The following POC1B variants were observed in gnomAD, a reference collection of about 807,000 sequenced individuals.
The protein encoded by POC1B is POC1 centriolar protein homolog B.
A neutral mutation model predicts 60.6 loss-of-function variants in POC1B; 44 were observed. The ratio of observed to expected loss-of-function variants is 0.73; its 90% confidence interval spans 0.57 to 0.93. The LOEUF (loss-of-function observed/expected upper bound fraction) is 0.93, where lower values mean the gene tolerates loss of function less well. Among genes scored for constraint, POC1B ranks in the 40% least tolerant of loss-of-function variants. POC1B has a pLI of 0.00. For synonymous variants in POC1B, 180 were observed against 198.9 expected, an observed-to-expected ratio of 0.90 and a Z score of 0.80; for missense variants, 555 against 572.3, an observed-to-expected ratio of 0.97 and a Z score of 0.31.
At chr12:89,503,003 T>C (rs1305475508) in intron 2 of POC1B, among the ~76,000 whole-genome samples, 1 of 152,210 alleles carries the variant, frequency 6.6e-6, no homozygotes, top group African/African-American at 2.4e-5. Context: ...GTTTGTATAG[T>C]TGGGACATTT....
intron 10 of POC1B, chr12:89,425,885 T>C (rs1425706550): frequency 1.3e-5 from 2 of 153,768 alleles, no homozygotes; most frequent in African/African-American, 4.8e-5. Flanking sequence ...GATCCAGCAA[T>C]TCTACTCCTA....
chr12:89,431,006 C>T (rs1431217293), intron 10 of POC1B, among the ~76,000 whole-genome samples: 3 of 151,964 alleles, frequency 2.0e-5, no homozygotes, highest in Non-Finnish European at 4.4e-5. Flanking sequence ...GCAATGTAAG[C>T]ATATATTATC....
intron 4 of POC1B, among the ~76,000 whole-genome samples, chr12:89,474,833 G>A (rs1042501100): frequency 6.6e-6 from 1 of 152,200 alleles, no homozygotes; most frequent in African/African-American, 2.4e-5. Flanking sequence ...ACGAGGCAGT[G>A]CTGTTAGGAG....
intron 10 of POC1B, among the ~76,000 whole-genome samples, chr12:89,459,407 T>TAAAAA (rs10535587): frequency 2.0e-5 from 2 of 102,444 alleles, no homozygotes; most frequent in Non-Finnish European, 4.2e-5. Flanking sequence ...ACTTAAAGTA[T>TAAAAA]AAAAAAAAAA....
intron 4 of POC1B, among the ~76,000 whole-genome samples, chr12:89,477,818 T>C (rs891788120): frequency 2.6e-5 from 4 of 152,214 alleles, no homozygotes; most frequent in African/African-American, 9.7e-5. Flanking sequence ...CATAGCTCTC[T>C]AGGACCTATC....
intron 2 of POC1B, chr12:89,502,472 G>C: frequency 8.6e-7 from 1 of 1,167,186 alleles, no homozygotes; most frequent in South Asian, 1.3e-5. Flanking sequence ...GAAAATATTG[G>C]AAAAGTTGAC....
intron 10 of POC1B, among the ~76,000 whole-genome samples, chr12:89,435,894 T>A (rs947293049): frequency 6.6e-6 from 1 of 152,066 alleles, no homozygotes; most frequent in Non-Finnish European, 1.5e-5. Flanking sequence ...CATATGCATG[T>A]GTGTGTATGA....
chr12:89,485,049 G>A (rs1049231350), intron 4 of POC1B, among the ~76,000 whole-genome samples: 7 of 152,196 alleles, frequency 4.6e-5, no homozygotes, highest in African/African-American at 1.4e-4. Context: ...AATGTTCCAG[G>A]CTCTCTGGCA....
intron 11 of POC1B, among the ~76,000 whole-genome samples, chr12:89,421,559 G>T (rs777740507): frequency 1.3e-5 from 2 of 152,206 alleles, no homozygotes; most frequent in Non-Finnish European, 2.9e-5. Flanking sequence ...AACCAGGGAA[G>T]AGGCCACACA....
chr12:89,469,914 C>T (rs1218931540), intron 7 of POC1B, among the ~76,000 whole-genome samples: 1 of 150,988 alleles, frequency 6.6e-6, no homozygotes, highest in Non-Finnish European at 1.5e-5. Flanking sequence ...TGTTGCCGGG[C>T]TGGAGTGCAG....
chr12:89,525,668 G>T, intron 1 of POC1B: 2 of 1,259,330 alleles, frequency 1.6e-6, no homozygotes, highest in Non-Finnish European at 2.0e-6. Flanking sequence ...GGAACTCGGG[G>T]AAGAGCGTCC....
chr12:89,506,798 G>A (rs566609202), intron 2 of POC1B, among the ~76,000 whole-genome samples: 1 of 152,164 alleles, frequency 6.6e-6, no homozygotes, highest in African/African-American at 2.4e-5. Flanking sequence ...GGAGGTTCCA[G>A]CGGGGCTTCC....
intron 10 of POC1B, among the ~76,000 whole-genome samples, chr12:89,447,201 CTT>C (rs1881825938): frequency 6.6e-6 from 1 of 151,974 alleles, no homozygotes; most frequent in African/African-American, 2.4e-5. Context: ...ATTTGGTAAA[CTT>C]ATCAATATAC....
chr12:89,505,947 G>A (rs1869874300), intron 2 of POC1B, among the ~76,000 whole-genome samples: 1 of 152,152 alleles, frequency 6.6e-6, no homozygotes, highest in Non-Finnish European at 1.5e-5. Context: ...CTAGATGTGA[G>A]GGAGAGAAAA....
At chr12:89,521,330 C>T (rs1263965757) in intron 2 of POC1B, 2 of 152,116 alleles carry the variant, frequency 1.3e-5, no homozygotes, top group Non-Finnish European at 2.9e-5. Context: ...GTCTGGATCT[C>T]CTGACCTCGT....
intron 10 of POC1B, among the ~76,000 whole-genome samples, chr12:89,454,635 CA>C (rs1199240001): frequency 6.6e-6 from 1 of 152,206 alleles, no homozygotes; most frequent in Non-Finnish European, 1.5e-5. Flanking sequence ...GCTCTTTACT[CA>C]AATGCCACCC....
downstream of POC1B, chr12:89,419,635 A>G (rs1880449832): frequency 6.6e-6 from 1 of 152,218 alleles, no homozygotes. Flanking sequence ...GAAGATTCGC[A>G]CACACATTAA....
chr12:89,499,487 C>T (rs1406742781), intron 2 of POC1B, among the ~76,000 whole-genome samples: 1 of 151,624 alleles, frequency 6.6e-6, no homozygotes, highest in African/African-American at 2.4e-5. Flanking sequence ...CATGTACTCC[C>T]TGAATCTAAA....
intron 10 of POC1B, among the ~76,000 whole-genome samples, chr12:89,452,075 T>C (rs894416446): frequency 2.0e-5 from 3 of 152,178 alleles, no homozygotes; most frequent in Non-Finnish European, 4.4e-5. Context: ...TCTTCTCATC[T>C]CAGAGGATGT....
Sources: allele counts gnomAD v4.1 joint callset (sites outside exome capture counted in the v4.1 genomes callset), GRCh38; gene constraint gnomAD v4.1.1; transcripts MANE v1.5; gene names NCBI Gene and HGNC (gene_info 2026-07-23, HGNC 2026-07-21).